The following TRAPPC11 variants were observed in gnomAD, a reference collection of about 807,000 sequenced individuals.
The protein encoded by TRAPPC11 is foie gras homolog.
A neutral mutation model predicts 151.2 loss-of-function variants in TRAPPC11; 104 were observed. The observed-to-expected ratio is 0.69, with a 90% CI of 0.59 to 0.81. TRAPPC11 has a LOEUF of 0.81. Ranked by LOEUF, TRAPPC11 falls within the 30% of genes least tolerant of loss-of-function variation. The probability of loss-of-function intolerance (pLI) is 0.00; values close to 1 mark genes in which losing one functional copy is unlikely to be tolerated. For synonymous variants in TRAPPC11, 456 were observed against 472.3 expected (o/e 0.97, Z 0.45); for missense variants, 1,230 against 1,349.6 (o/e 0.91, Z 1.39).
At chr4:183,680,496 G>C (rs1735622083) in intron 10 of TRAPPC11, among the ~76,000 whole-genome samples, 1 of 152,074 alleles carries the variant, frequency 6.6e-6, no homozygotes, top group African/African-American at 2.4e-5. Flanking sequence ...TTGGCAGTAA[G>C]TTAGTGACTA....
Position 183,680,102 on chromosome 4 carries a change from G to A in TRAPPC11, c.966-18G>A. On this transcript the variant is annotated intron_variant, in intron 9 of 29. Coordinates refer to ENST00000334690, the MANE Select transcript of TRAPPC11 (RefSeq NM_021942.6). ...TTCTTTTCATTCCTCTTTATTTCTTGATTTTCTTTTCTTTAAGATTCCAGG... is the reference window on the plus strand; with the variant it reads ...TTCTTTTCATTCCTCTTTATTTCTTAATTTTCTTTTCTTTAAGATTCCAGG... 6.3e-7 allele frequency: 1 copy of A among 1,593,414 alleles called. No homozygotes were observed. The highest frequency in any genetic ancestry group is 2.2e-5 in the East Asian group (1 of 44,700).
At chr4:183,677,338 CATT>C in intron 7 of TRAPPC11, 117 bp from the exon 8 acceptor site, 2 of 688,766 alleles carry the variant, frequency 2.9e-6, no homozygotes, top group South Asian at 3.3e-5. Context: ...CAGAGATTGA[CATT>C]ATTGAGCTGT....
chr4:183,665,270 AT>A (rs1215656230), intron 2 of TRAPPC11, among the ~76,000 whole-genome samples: 1 of 151,392 alleles, frequency 6.6e-6, no homozygotes, highest in Non-Finnish European at 1.5e-5. Context: ...AATTTTCTGT[AT>A]TTTTAGTAGA....
chr4:183,674,799 A>G lies in TRAPPC11; in HGVS notation c.647A>G (p.Lys216Arg), dbSNP rs746740465. 1.9e-6 allele frequency: 3 copies of G among 1,589,160 alleles called. No homozygotes were observed. The African/African-American group carries it at 4.1e-5, about 22-fold the overall frequency. Residue 216 changes from lysine to arginine, a missense_variant, in exon 6 of 30, where the codon AAA becomes AGA. By Grantham distance (26) the Lys-to-Arg change is conservative (BLOSUM62 2). Transcript: ENST00000334690. ...RVKSHKEFLN[K>R]TTHQLLFVRH... ...AAATCTCATAAAGAATTTTTGAATA[A>G]AACAACACACCAGGTGCGTGATTTT...
rs192266418 is a variant in TRAPPC11, at chr4:183,687,183, A to T, written c.1893+435A>T. Among the ~76,000 whole-genome samples the T allele has an allele frequency of 9.6e-3, 1,435 of 150,244 alleles. 24 individuals carry two copies. Among genetic ancestry groups the T allele is most frequent in the African/African-American group, 0.032 (1,322 of 41,052 alleles). On this transcript the variant is annotated intron_variant, in intron 18 of 29. Transcript: ENST00000334690. ...TGACAGAGCAAGATCTGTGTCAAAA[A>T]ATATATATATATATATGTTTCTAAA...
chr4:183,675,801 TGC>T (rs1561036015), intron 7 of TRAPPC11: 2 of 152,348 alleles, frequency 1.3e-5, no homozygotes, highest in Admixed American at 1.3e-4. Context: ...ATCAGTCAGT[TGC>T]ATCATTTTCC....
At chr4:183,676,426 A>G (rs1206912949) in intron 7 of TRAPPC11, among the ~76,000 whole-genome samples, 1 of 152,192 alleles carries the variant, frequency 6.6e-6, no homozygotes, top group African/African-American at 2.4e-5. Flanking sequence ...CTGGGATTAC[A>G]GGTGTGAGCC....
chr4:183,680,091 C>G (rs1287872710), intron 9 of TRAPPC11, 29 bp from the exon 10 acceptor site: 2 of 1,584,784 alleles, frequency 1.3e-6, no homozygotes, highest in South Asian at 1.2e-5. Flanking sequence ...TTTCATTCCT[C>G]TTTATTTCTT....
At chr4:183,662,743 TTTTC>T (rs1734621728) in intron 1 of TRAPPC11, among the ~76,000 whole-genome samples, 1 of 120,984 alleles carries the variant, frequency 8.3e-6, no homozygotes, top group African/African-American at 3.2e-5. Context: ...AGTCAACTGT[TTTTC>T]TTTTATATTT....
At chr4:183,698,586 T>A (rs1579214818) in intron 25 of TRAPPC11, among the ~76,000 whole-genome samples, 1 of 152,224 alleles carries the variant, frequency 6.6e-6, no homozygotes, top group East Asian at 1.9e-4. Flanking sequence ...TCAAAGAGGA[T>A]GATGTATGTG....
intron 6 of TRAPPC11, 124 bp from the exon 7 acceptor site, chr4:183,675,040 A>G: frequency 1.7e-6 from 1 of 581,440 alleles, no homozygotes; most frequent in Non-Finnish European, 2.8e-6. Flanking sequence ...ATTTGTGGGA[A>G]TAATTCTTGT....
Position 183,680,171 on chromosome 4 carries a change from A to G in TRAPPC11, c.1017A>G (p.Thr339=). The change falls in exon 10 of 30, where the codon ACA becomes ACG. Residue 339 remains threonine (T), a synonymous_variant. Coordinates refer to ENST00000334690, the MANE Select transcript of TRAPPC11 (RefSeq NM_021942.6). ...LFDEAIKLGL[T]AIQTQNPGFY... is the part of the protein sequence containing the mutation. ...ATGAAGCTATTAAGTTAGGGTTAAC[A>G]GCTATTCAAACTCAGAATCCTGGTT... The G allele has an allele frequency of 1.2e-6, 2 of 1,614,106 alleles. No homozygotes were observed. Among genetic ancestry groups the G allele is most frequent in the Non-Finnish European group, 1.7e-6 (2 of 1,179,990 alleles).
intron 5 of TRAPPC11, among the ~76,000 whole-genome samples, chr4:183,673,755 A>C (rs1278350844): frequency 6.6e-6 from 1 of 152,258 alleles, no homozygotes; most frequent in African/African-American, 2.4e-5. Flanking sequence ...ATAAAATATA[A>C]TAGCTGATAT....
Position 183,684,099 on chromosome 4 carries a change from A to G in TRAPPC11, c.1287+45A>G, listed in dbSNP as rs547554042. The G allele has an allele frequency of 5.6e-6, 9 of 1,607,060 alleles. No individual in the cohort carries two copies. In the South Asian group the frequency reaches 8.8e-5, roughly 16 times the overall value. On this transcript the variant is annotated intron_variant, in intron 12 of 29. Coordinates refer to ENST00000334690, the MANE Select transcript of TRAPPC11 (RefSeq NM_021942.6). ...TAAACTATTTTTTACACTATTTAAG[A>G]AAAATATTTGTATTGAAATGTTTCA...
At chr4:183,678,796 T>C (rs1735537990) in intron 8 of TRAPPC11, among the ~76,000 whole-genome samples, 1 of 152,208 alleles carries the variant, frequency 6.6e-6, no homozygotes, top group Non-Finnish European at 1.5e-5. Context: ...AAAGTGAAAA[T>C]TGTAACAAGC....
chr4:183,685,304 A>T lies in TRAPPC11; in HGVS notation c.1663A>T (p.Ile555Phe), dbSNP rs1735910833. The T allele has an allele frequency of 6.2e-7, 1 of 1,614,046 alleles. No homozygotes were observed. Among genetic ancestry groups the T allele is most frequent in the South Asian group, 1.1e-5 (1 of 91,092 alleles). Residue 555 changes from isoleucine to phenylalanine, a missense_variant, in exon 17 of 30, where the codon ATC (isoleucine) becomes TTC (phenylalanine). By Grantham distance (21) the Ile-to-Phe change is conservative. Coordinates refer to ENST00000334690, the MANE Select transcript of TRAPPC11 (RefSeq NM_021942.6). Reference protein sequence around the residue: ...ESPDPEPDCDILAVKTAQKLW... With the variant: ...ESPDPEPDCDFLAVKTAQKLW... ...TCCTGATCCAGAACCCGACTGTGAT[A>T]TCTTAGCTGTGAAAACTGCTCAGAA...
intron 1 of TRAPPC11, 96 bp downstream of exon 1, chr4:183,659,543 A>G (rs1175524035): frequency 2.6e-5 from 4 of 152,296 alleles, no homozygotes; most frequent in Admixed American, 6.5e-5. Flanking sequence ...GCGTTTTGCA[A>G]TCCCATCGAC....
chr4:183,708,687 C>T (rs186150831), intron 29 of TRAPPC11, 113 bp downstream of exon 29: 5 of 983,558 alleles, frequency 5.1e-6, no homozygotes, highest in Non-Finnish European at 7.5e-6. Flanking sequence ...GATAGTTTTG[C>T]CTTTTATTAT....
chr4:183,675,124 A>G (rs1735347629), intron 6 of TRAPPC11, 40 bp from the exon 7 acceptor site: 2 of 1,071,448 alleles, frequency 1.9e-6, no homozygotes, highest in East Asian at 2.9e-5. Flanking sequence ...CACATTTTAA[A>G]TAGAATATGT....
Sources: allele counts gnomAD v4.1 joint callset (sites outside exome capture counted in the v4.1 genomes callset), GRCh38; gene constraint gnomAD v4.1.1; transcripts MANE v1.5; gene names NCBI Gene and HGNC (gene_info 2026-07-23, HGNC 2026-07-21).